The following SYNE2 variants were observed in gnomAD, a reference collection of about 807,000 sequenced individuals.
SYNE2 encodes the protein nesprin-2.
A neutral mutation model predicts 856.3 loss-of-function variants in SYNE2; 431 were observed. That is an observed-to-expected ratio of 0.50 (90% CI 0.47 to 0.55). The LOEUF (loss-of-function observed/expected upper bound fraction) is 0.55. Ranked by LOEUF, SYNE2 falls within the 20% of genes least tolerant of loss-of-function variation. The pLI is 0.00. For missense variants in SYNE2, 8,129 were observed against 8,023.2 expected, an observed-to-expected ratio of 1.01 and a Z score of -0.50; for synonymous variants, 2,923 against 2,872.3, an observed-to-expected ratio of 1.02 and a Z score of -0.56.
At chr14:63,812,200 G>T (rs890811634) in intron 1 of SYNE2, among the ~76,000 whole-genome samples, 2 of 152,082 alleles carry the variant, frequency 1.3e-5, no homozygotes, top group African/African-American at 2.4e-5. Flanking sequence ...CTCCCCCCAG[G>T]AATGCATTCC....
intron 2 of SYNE2, among the ~76,000 whole-genome samples, chr14:63,921,921 C>T (rs1435542300): frequency 1.3e-5 from 2 of 152,230 alleles, no homozygotes; most frequent in African/African-American, 4.8e-5. Flanking sequence ...GAATCAGACA[C>T]ATCTGGATTT....
Position 64,144,021 on chromosome 14 carries a change from A to G in SYNE2, c.15483+73A>G. ...CACACTTTCTGAAAAATCAAAAAAG[A>G]CGTTCAATTAGTTGACTGATTATTA... On this transcript the variant is annotated intron_variant, in intron 83 of 115. Transcript: ENST00000555002. The G allele has an allele frequency of 2.6e-6, 4 of 1,563,292 alleles. No individual in the cohort carries two copies. The South Asian group carries it at 4.5e-5, about 17-fold the overall frequency.
chr14:64,015,414 G>A (rs1313258302), intron 32 of SYNE2, among the ~76,000 whole-genome samples: 1 of 151,972 alleles, frequency 6.6e-6, no homozygotes, highest in African/African-American at 2.4e-5. Flanking sequence ...TATTGGATGA[G>A]TTGCAGTAGT....
At chr14:64,117,691 G>T (rs1374735112) in intron 66 of SYNE2, among the ~76,000 whole-genome samples, 1 of 152,162 alleles carries the variant, frequency 6.6e-6, no homozygotes, top group African/African-American at 2.4e-5. Context: ...GAGTTCAACT[G>T]TGACCCATCA....
At chr14:64,127,355 G>T (rs1352383392) in intron 73 of SYNE2, among the ~76,000 whole-genome samples, 1 of 152,018 alleles carries the variant, frequency 6.6e-6, no homozygotes, top group African/African-American at 2.4e-5. Context: ...TAGGTGGATT[G>T]CTTGAGCCCA....
In SYNE2 at chr14:63,980,745, A is replaced by G; in HGVS notation, c.1648+13A>G. The G allele has an allele frequency of 6.5e-7, 1 of 1,536,572 alleles. No individual in the cohort carries two copies. Among genetic ancestry groups the G allele is most frequent in the Non-Finnish European group, 9.0e-7 (1 of 1,110,412 alleles). On this transcript the variant is annotated intron_variant, in intron 15 of 115. Transcript: ENST00000555002. ...TATAAGAATTTGGGTAAAGTGGTTC[A>G]GTTACTTTCTGATGGAATGACTGTC...
At chr14:64,085,894 T>C (rs1422620537) in intron 57 of SYNE2, among the ~76,000 whole-genome samples, 1 of 152,252 alleles carries the variant, frequency 6.6e-6, no homozygotes, top group Non-Finnish European at 1.5e-5. Flanking sequence ...TTTTGTAAAA[T>C]ATTCTGAAAA....
At chr14:64,060,799 A>G (rs1053175165) in intron 49 of SYNE2, among the ~76,000 whole-genome samples, 3 of 152,154 alleles carry the variant, frequency 2.0e-5, no homozygotes, top group Admixed American at 1.3e-4. Flanking sequence ...CAAGGTGGCG[A>G]GGCTTGCTGC....
chr14:63,847,654 C>T (rs1161690422), intron 1 of SYNE2, among the ~76,000 whole-genome samples: 4 of 148,692 alleles, frequency 2.7e-5, no homozygotes, highest in African/African-American at 7.5e-5. Flanking sequence ...GGCGGGATCT[C>T]GGCTCACAGC....
At chr14:63,801,604 G>A (rs1452882340) in intron 1 of SYNE2, among the ~76,000 whole-genome samples, 1 of 152,208 alleles carries the variant, frequency 6.6e-6, no homozygotes, top group South Asian at 2.1e-4. Flanking sequence ...ACTTGAACCC[G>A]GGAGGCAGAG....
rs1274634840 is a variant in SYNE2, at chr14:64,098,229, G to A, written c.12306+83G>A. 5 of 1,464,022 alleles carry A rather than the reference G, an allele frequency of 3.4e-6. No individual in the cohort carries two copies. In the East Asian group the frequency reaches 9.1e-5, roughly 27 times the overall value. 90.7% of individuals were successfully genotyped at this position (1,464,022 alleles called of 1,614,324 possible). A position where few individuals can be genotyped will look rare whatever the true frequency, so the allele number is the denominator to read the frequency against. ...GTGTTTTCCACCTGAACGACCTGTG[G>A]CATCTATGTCTATGGCCTGTAGTAA... On this transcript the variant is annotated intron_variant, in intron 62 of 115. Transcript: ENST00000555002.
At chr14:63,849,110 A>C (rs1275976687), upstream of SYNE2, among the ~76,000 whole-genome samples, 2 of 152,194 alleles carry the variant, frequency 1.3e-5, no homozygotes, top group Non-Finnish European at 2.9e-5. Flanking sequence ...GTGTGATCCA[A>C]CTCTTGGAAA....
At chr14:64,068,011 A>G (rs1190621840) in intron 51 of SYNE2, among the ~76,000 whole-genome samples, 1 of 152,112 alleles carries the variant, frequency 6.6e-6, no homozygotes, top group Admixed American at 6.6e-5. Flanking sequence ...ACCGGACTTT[A>G]CAATTGACCG....
chr14:63,939,893 G>C (rs1339906727), intron 2 of SYNE2, among the ~76,000 whole-genome samples: 1 of 152,120 alleles, frequency 6.6e-6, no homozygotes, highest in African/African-American at 2.4e-5. Context: ...TATTCTCCAT[G>C]ATAAATGTTA....
intron 1 of SYNE2, among the ~76,000 whole-genome samples, chr14:63,833,714 T>A (rs1326485955): frequency 1.3e-5 from 2 of 152,340 alleles, no homozygotes; most frequent in East Asian, 3.9e-4. Flanking sequence ...GTACCCTTCC[T>A]TATACTTTTA....
chr14:63,997,430 A>G (rs747742431), intron 25 of SYNE2, 39 bp downstream of exon 25: 1 of 1,472,354 alleles, frequency 6.8e-7, no homozygotes, highest in Non-Finnish European at 9.4e-7. Context: ...AGTAAACCCA[A>G]AGTAAAAGAC....
At chr14:63,854,042 C>T (rs1245675334) in intron 1 of SYNE2, among the ~76,000 whole-genome samples, 2 of 152,072 alleles carry the variant, frequency 1.3e-5, no homozygotes, top group Admixed American at 6.5e-5. Context: ...AAAGTTATTT[C>T]CCCCTCCCTC....
chr14:64,017,601 G>A lies in SYNE2; in HGVS notation c.4894G>A (p.Glu1632Lys), dbSNP rs1481779851. 1.9e-6 allele frequency: 3 copies of A among 1,611,430 alleles called. No individual in the cohort carries two copies. The highest frequency in any genetic ancestry group is 2.2e-5 in the South Asian group (2 of 90,924). Residue 1632 changes from glutamate to lysine, a missense_variant, in exon 34 of 116, where the codon GAG becomes AAG. Glu to Lys is a moderately conservative substitution (Grantham distance 56, BLOSUM62 1). Transcript: ENST00000555002. ...IIVDRWLDIN[E>K]KTEDYYENLG... ...TCTTTTTAAATTATGGTAGATAAAT[G>A]AGAAGACAGAAGATTACTATGAAAA...
rs142199354 is a variant in SYNE2, at chr14:64,194,614, C to T, written c.18038+4377C>T. Among the ~76,000 whole-genome samples the T allele has an allele frequency of 2.8e-4, 43 of 152,274 alleles. 1 individual carries two copies. In the East Asian group the frequency reaches 7.7e-3, roughly 27 times the overall value. ...GCCACCTGCACCCAGCCTTTGATAACGTCTTTGAAAAGTGACTCAGCAAAA... is the reference window on the plus strand; with the variant it reads ...GCCACCTGCACCCAGCCTTTGATAATGTCTTTGAAAAGTGACTCAGCAAAA... On this transcript the variant is annotated intron_variant, in intron 99 of 115. Coordinates refer to ENST00000555002, the MANE Select transcript of SYNE2 (RefSeq NM_182914.3).
Sources: allele counts gnomAD v4.1 joint callset (sites outside exome capture counted in the v4.1 genomes callset), GRCh38; gene constraint gnomAD v4.1.1; transcripts MANE v1.5; gene names NCBI Gene and HGNC (gene_info 2026-07-23, HGNC 2026-07-21).